Variants in CARMIL3 observed in about 807,000 individuals in gnomAD.
The protein encoded by CARMIL3 is capping protein, Arp2/3 and myosin-I linker protein 3.
Under a neutral mutation model 180.8 loss-of-function variants are expected in CARMIL3, and 88 were observed. The ratio of observed to expected loss-of-function variants is 0.49; its 90% CI spans 0.41 to 0.58. The LOEUF (loss-of-function observed/expected upper bound fraction) is 0.58. Among genes scored for constraint, CARMIL3 ranks in the 20% least tolerant of loss-of-function variants. CARMIL3 has a pLI of 0.00. For synonymous variants in CARMIL3, 696 were observed against 714.5 expected, an observed-to-expected ratio of 0.97 and a Z score of 0.41; for missense variants, 1,548 against 1,787.0, an observed-to-expected ratio of 0.87 and a Z score of 2.41.
intron 33 of CARMIL3, 110 bp from the exon 34 acceptor site, chr14:24,065,512 T>TC: frequency 6.8e-7 from 1 of 1,467,204 alleles, no homozygotes; most frequent in Non-Finnish European, 9.2e-7. Flanking sequence ...CTGCAGGGCT[T>TC]CCCCGTGGCT....
chr14:24,057,337 G>A (rs528328474), intron 14 of CARMIL3, 93 bp downstream of exon 14: 101 of 1,148,056 alleles, frequency 8.8e-5, no homozygotes, highest in East Asian at 6.8e-4. Context: ...GTACACAGGC[G>A]GGCAGAGCTG....
At position 24,059,856 on chromosome 14, in the gene CARMIL3, C is replaced by T; in HGVS notation, c.1869-114C>T. 6.6e-7 allele frequency: 1 copy of T among 1,522,562 alleles called. No individual in the cohort carries two copies. Among genetic ancestry groups the T allele is most frequent in the Non-Finnish European group, 9.1e-7 (1 of 1,099,648 alleles). The allele number at this position is 1,522,562 out of a possible 1,614,324, so 94.3% of individuals were successfully genotyped here. A position where few individuals can be genotyped will look rare whatever the true frequency, so the allele number is the denominator to read the frequency against. On this transcript the variant is annotated intron_variant, in intron 22 of 39. Coordinates refer to ENST00000342740, the MANE Select transcript of CARMIL3 (RefSeq NM_138360.4). This position sits in a 1 kb window ranked among gnomAD's most constrained non-coding sequence, Gnocchi z 6.3. Reference sequence around the variant, plus strand: ...ATTTGCACAGAAATTTTAGGAAGGGCCATGGAAGACAGAAATGATGAGCAA... The same window carrying T: ...ATTTGCACAGAAATTTTAGGAAGGGTCATGGAAGACAGAAATGATGAGCAA...
intron 36 of CARMIL3, 34 bp from the exon 37 acceptor site, chr14:24,068,550 T>C: frequency 6.4e-7 from 1 of 1,556,988 alleles, no homozygotes; most frequent in Non-Finnish European, 8.8e-7. Flanking sequence ...CAAGAATGCC[T>C]TTTCCTGCAG....
At chr14:24,060,487 C>T (rs533783239) in intron 24 of CARMIL3, 141 bp from the exon 25 acceptor site, 3 of 1,314,574 alleles carry the variant, frequency 2.3e-6, no homozygotes, top group Non-Finnish European at 3.1e-6. Context: ...TTCAAGAAGG[C>T]TGTAGCAATG....
At chr14:24,055,664 C>T (rs532070689) in intron 9 of CARMIL3, 37 bp from the exon 10 acceptor site, 1 of 1,613,772 alleles carries the variant, frequency 6.2e-7, no homozygotes, top group Admixed American at 1.7e-5. Context: ...TAGTGCCCCC[C>T]TTGGCCCCTG....
In CARMIL3 at chr14:24,061,586, T is replaced by C. The variant is rs1566541317; in HGVS notation, c.2394T>C (p.Asn798=). The C allele has an allele frequency of 8.1e-6, 13 of 1,613,952 alleles. No individual in the cohort carries two copies. Among genetic ancestry groups the C allele is most frequent in the East Asian group, 2.2e-5 (1 of 44,854 alleles). The change falls in exon 27 of 40, where the codon AAT becomes AAC. Residue 798 remains asparagine, a synonymous_variant. Coordinates refer to ENST00000342740, the MANE Select transcript of CARMIL3 (RefSeq NM_138360.4). The surrounding 1 kb of genome is among the most constrained non-coding windows in gnomAD (Gnocchi z 4.1). ...AGGGACACAACAAGATGCTGAGCAA[T>C]GTGGCGGAGCGTGTCACTGTGCCCC... ...VAEGHNKMLS[N]VAERVTVPRN...
chr14:24,068,189 G>C (rs1341132156), intron 36 of CARMIL3, among the ~76,000 whole-genome samples: 1 of 152,204 alleles, frequency 6.6e-6, no homozygotes, highest in Non-Finnish European at 1.5e-5. Flanking sequence ...ACTAGGTCAA[G>C]AGATCGAGAC....
chr14:24,055,393 C>A, intron 8 of CARMIL3, 83 bp downstream of exon 8: 1 of 1,523,628 alleles, frequency 6.6e-7, no homozygotes, highest in Non-Finnish European at 9.1e-7. Context: ...CCCTTCTGGT[C>A]CCACAGCCCC....
chr14:24,056,004 C>T (rs992312290), intron 10 of CARMIL3, among the ~76,000 whole-genome samples: 4 of 152,188 alleles, frequency 2.6e-5, no homozygotes, highest in Non-Finnish European at 5.9e-5. Context: ...GGCCTTTCCC[C>T]AGGATGTTCC....
At chr14:24,060,397 G>A (rs965105671) in intron 24 of CARMIL3, 142 bp downstream of exon 24, 41 of 1,123,580 alleles carry the variant, frequency 3.6e-5, no homozygotes, top group Non-Finnish European at 5.1e-5. Flanking sequence ...AGCAAAAAGA[G>A]AGGACATGCA....
In CARMIL3 at chr14:24,062,713, G is replaced by A. The variant is rs761941796; in HGVS notation, c.2573G>A (p.Arg858Gln). The change falls in exon 29 of 40, where the codon CGG (arginine) becomes CAG (glutamine). Residue 858 changes from arginine to glutamine, a missense_variant. Arg to Gln is a conservative substitution (Grantham distance 43, BLOSUM62 1). This residue lies in a region of CARMIL3 where 297 missense variants were observed against 415.9 expected (regional missense o/e 0.71). Coordinates refer to ENST00000342740, the MANE Select transcript of CARMIL3 (RefSeq NM_138360.4). ...TTCACACCTGCCCTTCCCCAGGCCC[G>A]GCACCTGACCCAGCTAAGGACGCTG... Reference protein sequence around the residue: ...ELYHSHKSLARHLTQLRTLSD... With the variant: ...ELYHSHKSLAQHLTQLRTLSD... The A allele has an allele frequency of 1.1e-4, 174 of 1,607,672 alleles. No homozygotes were observed. The highest frequency in any genetic ancestry group is 1.4e-4 in the Non-Finnish European group (165 of 1,176,198).
Position 24,065,648 on chromosome 14 carries a change from G to A in CARMIL3, c.3423G>A (p.Glu1141=). The change falls in exon 34 of 40, where the codon GAG becomes GAA. Residue 1141 remains glutamate, a synonymous_variant. Coordinates refer to ENST00000342740, the MANE Select transcript of CARMIL3 (RefSeq NM_138360.4). The stretch of plus-strand genomic sequence containing the variant: ...GCACTGAGGGGTCAGAGCCAGGGGA[G>A]GGGGGCCCAGCCCCTGGGACAGCAC... The part of the protein sequence containing the change: ...KMGTEGSEPG[E]GGPAPGTAQQ... 1 of 1,612,936 alleles carries A rather than the reference G, an allele frequency of 6.2e-7. No individual in the cohort carries two copies. Among genetic ancestry groups the A allele is most frequent in the Non-Finnish European group, 8.5e-7 (1 of 1,179,396 alleles).
chr14:24,056,685 C>T lies in CARMIL3; in HGVS notation c.929C>T (p.Ala310Val). 1 of 1,613,508 alleles carries T rather than the reference C, an allele frequency of 6.2e-7. No individual in the cohort carries two copies. The highest frequency in any genetic ancestry group is 2.2e-5 in the East Asian group (1 of 44,884). The change falls in exon 12 of 40, where the codon GCC becomes GTC. Residue 310 changes from alanine (A) to valine (V), a missense_variant. Coordinates refer to ENST00000342740, the MANE Select transcript of CARMIL3 (RefSeq NM_138360.4). ...TCTGGCCTCACCAAACTGTGCCTGG[C>T]CAAGACTGCCATTTCCCCTCGAGGT... ...FPSGLTKLCL[A>V]KTAISPRGLQ... is the part of the protein sequence containing the mutation.
Position 24,068,795 on chromosome 14 carries a change from C to G in CARMIL3, c.3811C>G (p.Pro1271Ala), listed in dbSNP as rs893504490. 6.2e-7 allele frequency: 1 copy of G among 1,613,906 alleles called. No individual in the cohort carries two copies. The highest frequency in any genetic ancestry group is 8.5e-7 in the Non-Finnish European group (1 of 1,180,038). Residue 1271 changes from proline to alanine, a missense_variant, in exon 38 of 40, where the codon CCC (proline) becomes GCC (alanine). This residue lies in a region of CARMIL3 where 668 missense variants were observed against 687.8 expected (regional missense o/e 0.97). Coordinates refer to ENST00000342740, the MANE Select transcript of CARMIL3 (RefSeq NM_138360.4). ...TTCCTTCCTCTGCCAGCTACAGGACCCCGCTCTAGCTCCATGGCCTCCCAA... is the reference window on the plus strand; with the variant it reads ...TTCCTTCCTCTGCCAGCTACAGGACGCCGCTCTAGCTCCATGGCCTCCCAA... ...LPARNAKLQD[P>A]ALAPWPPKPV...
At position 24,054,464 on chromosome 14, in the gene CARMIL3, G is replaced by A. The variant is rs2035652093; in HGVS notation, c.315G>A (p.Val105=). The A allele has an allele frequency of 1.2e-6, 2 of 1,614,024 alleles. No homozygotes were observed. Among genetic ancestry groups the A allele is most frequent in the African/African-American group, 2.7e-5 (2 of 74,934 alleles). Residue 105 remains valine (V), a synonymous_variant, in exon 5 of 40, where the codon GTG becomes GTA. Coordinates refer to ENST00000342740, the MANE Select transcript of CARMIL3 (RefSeq NM_138360.4). This position sits in a 1 kb window ranked among gnomAD's most constrained non-coding sequence, Gnocchi z 5.1. ...CATCAGCTGAAAGTGTGGACCAGGT[G>A]ACACGACATGTGAGCTCTGCCCTGT... is the stretch of plus-strand genomic sequence containing the variant. ...RLPSAESVDQ[V]TRHVSSALSK...
rs368312040 is a variant in CARMIL3, at chr14:24,069,230, G to T, written c.4076G>T (p.Arg1359Leu). The T allele has an allele frequency of 6.2e-7, 1 of 1,614,030 alleles. No individual in the cohort carries two copies. The highest frequency in any genetic ancestry group is 1.3e-5 in the African/African-American group (1 of 74,978). Reference protein sequence around the residue: ...SCDKLEPDRRRPPDPTGTSEP... With the variant: ...SCDKLEPDRRLPPDPTGTSEP... ...GACAAGCTGGAACCTGATAGAAGAC[G>T]GCCTCCTGACCCCACAGGTGCTGGT... The change falls in exon 39 of 40, where the codon CGG becomes CTG. Residue 1359 changes from arginine (R) to leucine (L), a missense_variant. Physicochemically the swap from Arg to Leu is moderately radical, Grantham distance 102. This residue lies in a region of CARMIL3 where 668 missense variants were observed against 687.8 expected (regional missense o/e 0.97). Transcript: ENST00000342740.
chr14:24,059,004 T>C lies in CARMIL3; in HGVS notation c.1571+18T>C. On this transcript the variant is annotated intron_variant, in intron 19 of 39. Coordinates refer to ENST00000342740, the MANE Select transcript of CARMIL3 (RefSeq NM_138360.4). The surrounding 1 kb of genome is among the most constrained non-coding windows in gnomAD (Gnocchi z 6.3). ...AAGGCCAAGTGAGGCCCCCTTTCCA[T>C]GCCCACAGACCCTCATCCCATCATT... is the stretch of plus-strand genomic sequence containing the variant. The C allele has an allele frequency of 6.2e-7, 1 of 1,613,382 alleles. No individual in the cohort carries two copies. Among genetic ancestry groups the C allele is most frequent in the Non-Finnish European group, 8.5e-7 (1 of 1,179,616 alleles).
In CARMIL3 at chr14:24,063,525, C is replaced by G. The variant is rs1167794533; in HGVS notation, c.2971C>G (p.Arg991Gly). 6.2e-7 allele frequency: 1 copy of G among 1,610,384 alleles called. No individual in the cohort carries two copies. The highest frequency in any genetic ancestry group is 2.2e-5 in the East Asian group (1 of 44,876). The change falls in exon 31 of 40, where the codon CGA becomes GGA. Residue 991 changes from arginine to glycine, a missense_variant. Arg to Gly is a moderately radical substitution (Grantham distance 125). Around this residue, in one of 4 missense-constraint regions of CARMIL3, gnomAD observed 668 missense variants for 687.8 expected, o/e 0.97. Transcript: ENST00000342740. ...CAGGACCACACCTCCAGGACCTGGT[C>G]GACCCAGTGTGAGTCCCTAAGGCTT... The part of the protein sequence containing the change: ...PPRTTPPGPG[R>G]PSMPAPGTRQ...
Position 24,059,494 on chromosome 14 carries a change from T to A in CARMIL3, c.1799+52T>A. On this transcript the variant is annotated intron_variant, in intron 21 of 39. Transcript: ENST00000342740. The surrounding 1 kb of genome is among the most constrained non-coding windows in gnomAD (Gnocchi z 6.3). ...CCTGGAGCCCCAGCCCCTCCCCATA[T>A]GTACATAATCTCCCTGCTTTCCTTG... 2 of 1,541,848 alleles carry A rather than the reference T, an allele frequency of 1.3e-6. No individual in the cohort carries two copies. The highest frequency in any genetic ancestry group is 1.8e-6 in the Non-Finnish European group (2 of 1,140,058).
Sources: gnomAD v4.1 joint callset for allele counts (sites outside exome capture counted in the v4.1 genomes callset) on GRCh38, gnomAD v4.1.1 for gene constraint, gnomAD v4.1.1 regional missense constraint, Gnocchi (gnomAD v3.1) non-coding constraint, MANE v1.5 for transcripts, NCBI Gene and HGNC (gene_info 2026-07-23, HGNC 2026-07-21) for gene names.